UBAP1: variants seen among roughly 807,000 people sequenced by gnomAD.
UBAP1 encodes the protein ubiquitin associated protein 1.
In UBAP1, 5 loss-of-function variants were observed where a neutral mutation model predicts 39.0. The ratio of observed to expected loss-of-function variants is 0.13; its 90% CI spans 0.07 to 0.27. The LOEUF (loss-of-function observed/expected upper bound fraction) is 0.27. Among genes scored for constraint, UBAP1 ranks in the 10% least tolerant of loss-of-function variants. The probability of loss-of-function intolerance (pLI) is 1.00; values close to 1 mark genes in which losing one functional copy is unlikely to be tolerated. For synonymous variants in UBAP1, 211 were observed against 225.1 expected, an observed-to-expected ratio of 0.94 and a Z score of 0.56; for missense variants, 490 against 608.1, an observed-to-expected ratio of 0.81 and a Z score of 2.04.
intron 1 of UBAP1, among the ~76,000 whole-genome samples, chr9:34,207,578 T>C (rs1831782100): frequency 6.6e-6 from 1 of 151,876 alleles, no homozygotes; most frequent in African/African-American, 2.4e-5. Context: ...TCTCCCTTTA[T>C]GTCTTCAGTT....
At chr9:34,183,552 C>CAA (rs750204121) in intron 1 of UBAP1, among the ~76,000 whole-genome samples, 24 of 54,100 alleles carry the variant, frequency 4.4e-4, no homozygotes, top group East Asian at 1.6e-3. Flanking sequence ...GACTCCGTCT[C>CAA]AAAAAAAAAA....
intron 3 of UBAP1, among the ~76,000 whole-genome samples, chr9:34,237,896 A>G (rs1833781950): frequency 1.3e-5 from 2 of 152,218 alleles, no homozygotes; most frequent in South Asian, 2.1e-4. Context: ...GTATACATAC[A>G]GTTCAGTGAT....
At chr9:34,196,742 G>GCTTC (rs1196318968) in intron 1 of UBAP1, among the ~76,000 whole-genome samples, 2 of 152,114 alleles carry the variant, frequency 1.3e-5, no homozygotes, top group East Asian at 1.9e-4. Flanking sequence ...ACCATGCCTA[G>GCTTC]CTTCACTGAT....
rs916497730 is a variant in UBAP1 at position 34,251,553 on chromosome 9, C to T, written c.*21C>T. The T allele has an allele frequency of 6.2e-7, 1 of 1,610,508 alleles. No homozygotes were observed. The highest frequency in any genetic ancestry group is 1.3e-5 in the African/African-American group (1 of 74,766). On this transcript the variant is annotated 3_prime_UTR_variant, in exon 7 of 7. Transcript: ENST00000297661. ...GCTGAGACCAGGCCCTGCCTAGGCC[C>T]TGCCGCAGAACCACCATCCCTGGGA... is the stretch of plus-strand genomic sequence containing the variant.
chr9:34,200,011 G>C (rs569886060), intron 1 of UBAP1, among the ~76,000 whole-genome samples: 1 of 151,478 alleles, frequency 6.6e-6, no homozygotes, highest in Non-Finnish European at 1.5e-5. Context: ...ATTGTGTTTA[G>C]TTGTTATACT....
intron 1 of UBAP1, among the ~76,000 whole-genome samples, chr9:34,186,753 T>TA (rs1830427618): frequency 6.6e-6 from 1 of 152,116 alleles, no homozygotes; most frequent in African/African-American, 2.4e-5. Flanking sequence ...TTCTGGATAC[T>TA]AATTATTTGT....
chr9:34,197,640 C>T (rs1831140234), intron 1 of UBAP1, among the ~76,000 whole-genome samples: 1 of 152,120 alleles, frequency 6.6e-6, no homozygotes, highest in South Asian at 2.1e-4. Context: ...GCCTCTGCCT[C>T]CTGGGTTCAA....
chr9:34,197,368 C>T lies in UBAP1; in HGVS notation c.-8+18128C>T, dbSNP rs1365607752. Among the ~76,000 whole-genome samples, 8 of 149,386 alleles carry T rather than the reference C, an allele frequency of 5.4e-5. No homozygotes were observed. The South Asian group carries it at 8.4e-4, about 16-fold the overall frequency. ...CTATGTTGTGCTAGTCTCAAACAGC[C>T]GGGGCTCAAGCAATCTGCCCGCCTT... On this transcript the variant is annotated intron_variant, in intron 1 of 6. Transcript: ENST00000297661.
At chr9:34,225,493 T>G (rs1362098665) in intron 2 of UBAP1, among the ~76,000 whole-genome samples, 1 of 152,006 alleles carries the variant, frequency 6.6e-6, no homozygotes, top group Non-Finnish European at 1.5e-5. Context: ...ATCTCAATCC[T>G]CTGGCTGGGC....
intron 2 of UBAP1, among the ~76,000 whole-genome samples, chr9:34,226,129 G>GTGTGTGTT (rs1554650839): frequency 3.2e-4 from 45 of 141,850 alleles, no homozygotes; most frequent in African/African-American, 1.2e-3. Flanking sequence ...GTGTGTGTGT[G>GTGTGTGTT]TGTGTGTGTG....
chr9:34,235,401 C>T (rs959160231), intron 3 of UBAP1, among the ~76,000 whole-genome samples: 1 of 151,826 alleles, frequency 6.6e-6, no homozygotes, highest in African/African-American at 2.4e-5. Flanking sequence ...TGCAGCGGTG[C>T]AATCTTGGCT....
intron 1 of UBAP1, among the ~76,000 whole-genome samples, chr9:34,209,514 C>T (rs1362537119): frequency 6.6e-6 from 1 of 151,740 alleles, no homozygotes; most frequent in Non-Finnish European, 1.5e-5. Context: ...GTGGTTTGCA[C>T]TCTTTATTGT....
chr9:34,204,467 C>T (rs932411131), intron 1 of UBAP1, among the ~76,000 whole-genome samples: 6 of 151,894 alleles, frequency 4.0e-5, no homozygotes, highest in African/African-American at 1.5e-4. Flanking sequence ...AGTCCACACC[C>T]ATTTTTTTTT....
chr9:34,239,926 G>A (rs755169024), intron 3 of UBAP1, among the ~76,000 whole-genome samples: 11 of 152,088 alleles, frequency 7.2e-5, no homozygotes, highest in Middle Eastern at 3.4e-3. Flanking sequence ...CTTTTTCTGC[G>A]TTCCAAGTAT....
At chr9:34,243,698 C>T (rs1212933867) in intron 4 of UBAP1, among the ~76,000 whole-genome samples, 2 of 152,070 alleles carry the variant, frequency 1.3e-5, no homozygotes, top group Non-Finnish European at 2.9e-5. Flanking sequence ...CCATGTTGGC[C>T]AGGCTGGTCT....
chr9:34,239,287 C>T lies in UBAP1; in HGVS notation c.160-1898C>T, dbSNP rs911307500. Among the ~76,000 whole-genome samples, 28 of 152,176 alleles carry T rather than the reference C, an allele frequency of 1.8e-4. 1 individual carries two copies. Among genetic ancestry groups the T allele is most frequent in the African/African-American group, 4.8e-4 (20 of 41,438 alleles). Reference sequence around the variant, plus strand: ...CCCGAACTCCTGACCTCAAGTGATCCGCCCACCTTGGCCTCTCAAAGGAGG... The same window carrying T: ...CCCGAACTCCTGACCTCAAGTGATCTGCCCACCTTGGCCTCTCAAAGGAGG... On this transcript the variant is annotated intron_variant, in intron 3 of 6. Coordinates refer to ENST00000297661, the MANE Select transcript of UBAP1 (RefSeq NM_016525.5).
chr9:34,194,408 A>G (rs1380241490), intron 1 of UBAP1, among the ~76,000 whole-genome samples: 3 of 150,686 alleles, frequency 2.0e-5, no homozygotes, highest in Non-Finnish European at 3.0e-5. Context: ...TCCGCCTCCC[A>G]GGTTCACGCC....
chr9:34,234,174 G>A (rs1168225255), intron 2 of UBAP1, 42 bp from the exon 3 acceptor site: 1 of 1,566,100 alleles, frequency 6.4e-7, no homozygotes, highest in South Asian at 1.2e-5. Flanking sequence ...AACAAATAAT[G>A]AAGTTCTTTG....
chr9:34,247,643 T>G (rs1400816150), intron 4 of UBAP1, among the ~76,000 whole-genome samples: 1 of 152,064 alleles, frequency 6.6e-6, no homozygotes, highest in African/African-American at 2.4e-5. Context: ...AGGCTGGTCT[T>G]GAACTCCCGA....
Sources: allele counts gnomAD v4.1 joint callset (sites outside exome capture counted in the v4.1 genomes callset), GRCh38; gene constraint gnomAD v4.1.1; transcripts MANE v1.5; gene names NCBI Gene and HGNC (gene_info 2026-07-23, HGNC 2026-07-21).